The following ADARB2 variants were observed in gnomAD, a reference collection of about 807,000 sequenced individuals.
ADARB2 encodes the protein adenosine deaminase RNA specific B2 (inactive), also known as inactive double-stranded RNA-specific editase B2.
In ADARB2, 25 loss-of-function variants were observed where a neutral mutation model predicts 62.2. The observed-to-expected ratio is 0.40, with a 90% CI of 0.29 to 0.56. ADARB2 has a LOEUF of 0.56. ADARB2 is among the 20% of genes least tolerant of loss of function. ADARB2 has a pLI of 0.43. For missense variants in ADARB2, 1,071 were observed against 1,077.4 expected (o/e 0.99, Z 0.08); for synonymous variants, 572 against 500.8 (o/e 1.14, Z -1.90).
At chr10:1,371,784 T>TAAAAAAAAAAA (rs71379114) in intron 2 of ADARB2, among the ~76,000 whole-genome samples, 2 of 125,804 alleles carry the variant, frequency 1.6e-5, no homozygotes, top group Non-Finnish European at 1.7e-5. Flanking sequence ...TATTAAAAAG[T>TAAAAAAAAAAA]AAAAAAAAAA....
At chr10:1,341,737 C>T (rs532177523) in intron 3 of ADARB2, among the ~76,000 whole-genome samples, 136 of 151,860 alleles carry the variant, frequency 9.0e-4, no homozygotes, top group African/African-American at 3.1e-3. Context: ...CCCACAGCGG[C>T]GATAACCAGC....
chr10:1,511,625 C>T (rs1300747414), intron 1 of ADARB2, among the ~76,000 whole-genome samples: 1 of 152,014 alleles, frequency 6.6e-6, no homozygotes, highest in Non-Finnish European at 1.5e-5. Flanking sequence ...CACTGGATAC[C>T]AAGACATGGA....
chr10:1,562,482 C>T (rs1832797307), intron 1 of ADARB2, among the ~76,000 whole-genome samples: 1 of 152,198 alleles, frequency 6.6e-6, no homozygotes, highest in Admixed American at 6.5e-5. Context: ...CAAAATCTAG[C>T]CTGTCAGGTA....
chr10:1,613,548 T>C lies in ADARB2; in HGVS notation c.100+123503A>G, dbSNP rs536764722. Among the ~76,000 whole-genome samples the C allele has an allele frequency of 2.6e-5, 4 of 152,282 alleles. No homozygotes were observed. The South Asian group carries it at 6.2e-4, about 24-fold the overall frequency. ...GCAGCCACCCAAAACAAAAGGAGTA[T>C]ACAGCAGATGCTCATTTTCGTGAAT... On this transcript the variant is annotated intron_variant, in intron 1 of 9. Transcript: ENST00000381312.
In ADARB2 at chr10:1,268,802, T is replaced by C. The variant is rs117933447; in HGVS notation, c.1192+2153A>G. 1.2e-3 allele frequency among the ~76,000 whole-genome samples: 180 copies of C among 152,376 alleles called. 1 individual carries two copies. The highest frequency in any genetic ancestry group is 2.1e-3 in the Non-Finnish European group (145 of 68,036). The stretch of plus-strand genomic sequence containing the variant: ...TAGTGAAGCTCTACCTTATGAAGTC[T>C]CATTTTCATGTAGTAAATTTAATTC... On this transcript the variant is annotated intron_variant, in intron 4 of 9. Transcript: ENST00000381312.
At chr10:1,553,296 C>T (rs1832654811) in intron 1 of ADARB2, among the ~76,000 whole-genome samples, 1 of 152,152 alleles carries the variant, frequency 6.6e-6, no homozygotes, top group African/African-American at 2.4e-5. Flanking sequence ...GCTGAATTTT[C>T]CCAAGCTACA....
intron 2 of ADARB2, among the ~76,000 whole-genome samples, chr10:1,371,784 T>TAAAAAAAAAAAAAAAAAAAAAA (rs71379114): frequency 1.6e-5 from 2 of 125,814 alleles, no homozygotes; most frequent in Non-Finnish European, 3.3e-5. Flanking sequence ...TATTAAAAAG[T>TAAAAAAAAAAAAAAAAAAAAAA]AAAAAAAAAA....
At chr10:1,479,631 A>G (rs1167709159) in intron 1 of ADARB2, among the ~76,000 whole-genome samples, 1 of 152,188 alleles carries the variant, frequency 6.6e-6, no homozygotes, top group African/African-American at 2.4e-5. Context: ...GCAGAGCCCT[A>G]TAGGGAGGGG....
intron 1 of ADARB2, among the ~76,000 whole-genome samples, chr10:1,548,941 G>T (rs1364137588): frequency 1.3e-5 from 2 of 152,180 alleles, no homozygotes; most frequent in Admixed American, 1.3e-4. Flanking sequence ...GGGCTGTTAA[G>T]GTGATCTGGC....
At chr10:1,654,021 C>G (rs1349309886) in intron 1 of ADARB2, among the ~76,000 whole-genome samples, 1 of 152,008 alleles carries the variant, frequency 6.6e-6, no homozygotes, top group Non-Finnish European at 1.5e-5. Flanking sequence ...TGGGGGCTGG[C>G]TCTGTGGAGG....
At chr10:1,300,234 C>G (rs934518893) in intron 3 of ADARB2, among the ~76,000 whole-genome samples, 3 of 152,248 alleles carry the variant, frequency 2.0e-5, no homozygotes, top group African/African-American at 7.2e-5. Context: ...TTGCTGGTGG[C>G]TTAAGTTTTC....
At chr10:1,680,663 G>A (rs914648945) in intron 1 of ADARB2, among the ~76,000 whole-genome samples, 1 of 152,174 alleles carries the variant, frequency 6.6e-6, no homozygotes, top group African/African-American at 2.4e-5. Context: ...ATTAGAGAAA[G>A]GCTCATCTGT....
At chr10:1,362,741 G>A (rs1375360089) in intron 3 of ADARB2, among the ~76,000 whole-genome samples, 1 of 152,160 alleles carries the variant, frequency 6.6e-6, no homozygotes, top group African/African-American at 2.4e-5. Flanking sequence ...GACGAAACCT[G>A]GCACGGGGGA....
intron 6 of ADARB2, among the ~76,000 whole-genome samples, chr10:1,219,573 G>A (rs923829791): frequency 2.0e-5 from 3 of 152,210 alleles, no homozygotes; most frequent in Admixed American, 6.5e-5. Flanking sequence ...CGAATGAGAG[G>A]TATTGAGCCT....
At chr10:1,717,847 G>T (rs574014877) in intron 1 of ADARB2, among the ~76,000 whole-genome samples, 1 of 152,110 alleles carries the variant, frequency 6.6e-6, no homozygotes, top group South Asian at 2.1e-4. Flanking sequence ...CAAAGTGCTG[G>T]GATTATAGGT....
chr10:1,631,633 C>G (rs1588330878), intron 1 of ADARB2, among the ~76,000 whole-genome samples: 1 of 152,260 alleles, frequency 6.6e-6, no homozygotes, highest in East Asian at 1.9e-4. Flanking sequence ...ATGAATGGGT[C>G]TGGTGATTTG....
At chr10:1,686,327 G>A in intron 1 of ADARB2, among the ~76,000 whole-genome samples, 1 of 152,256 alleles carries the variant, frequency 6.6e-6, no homozygotes. Flanking sequence ...TGGTTGGAAT[G>A]AATCAATTGA....
At chr10:1,348,416 G>A (rs1166116409) in intron 3 of ADARB2, among the ~76,000 whole-genome samples, 1 of 152,152 alleles carries the variant, frequency 6.6e-6, no homozygotes, top group Non-Finnish European at 1.5e-5. Context: ...GCTGTCAGGC[G>A]ACGCCTGAGC....
At chr10:1,710,522 C>T (rs1834938219) in intron 1 of ADARB2, among the ~76,000 whole-genome samples, 1 of 152,210 alleles carries the variant, frequency 6.6e-6, no homozygotes. Context: ...ATCCAGCCTG[C>T]ACTTGGGTGC....
Sources: allele counts gnomAD v4.1 joint callset (sites outside exome capture counted in the v4.1 genomes callset), GRCh38; gene constraint gnomAD v4.1.1; transcripts MANE v1.5; gene names NCBI Gene and HGNC (gene_info 2026-07-23, HGNC 2026-07-21).